The following COL26A1 variants were observed in gnomAD, a reference collection of about 807,000 sequenced individuals.
The protein encoded by COL26A1 is collagen alpha-1(XXVI) chain.
A neutral mutation model predicts 59.3 loss-of-function variants in COL26A1; 41 were observed. The ratio of observed to expected loss-of-function variants is 0.69; its 90% confidence interval spans 0.54 to 0.90. The LOEUF (loss-of-function observed/expected upper bound fraction) is 0.90, where lower values mean the gene tolerates loss of function less well. COL26A1 is among the 40% of genes least tolerant of loss of function. The pLI, the probability that COL26A1 is intolerant of heterozygous loss-of-function variation, is 0.00. For missense variants in COL26A1, 612 were observed against 602.3 expected (o/e 1.02, Z -0.17); for synonymous variants, 266 against 256.0 (o/e 1.04, Z -0.37).
chr7:101,557,264 C>G, intron 12 of COL26A1, 106 bp from the exon 13 acceptor site: 1 of 1,193,534 alleles, frequency 8.4e-7, no homozygotes, highest in African/African-American at 1.5e-5. Context: ...CCTTGCTTCT[C>G]CACGCTGGGC....
chr7:101,396,760 G>A (rs1791864498), intron 1 of COL26A1, among the ~76,000 whole-genome samples: 1 of 152,150 alleles, frequency 6.6e-6, no homozygotes, highest in East Asian at 1.9e-4. Context: ...ACCACTCCTG[G>A]CCATGCTCTT....
chr7:101,542,617 T>C (rs555161380), intron 5 of COL26A1, among the ~76,000 whole-genome samples: 7 of 152,174 alleles, frequency 4.6e-5, no homozygotes, highest in African/African-American at 1.7e-4. Context: ...TGATGCTGGG[T>C]TGGGGAGCAG....
intron 10 of COL26A1, among the ~76,000 whole-genome samples, chr7:101,552,358 C>T (rs1795878787): frequency 6.6e-6 from 1 of 152,150 alleles, no homozygotes; most frequent in Non-Finnish European, 1.5e-5. Flanking sequence ...CCTGTAACCC[C>T]AGTGCTTTGG....
chr7:101,445,942 G>A lies in COL26A1; in HGVS notation c.282-1742G>A, dbSNP rs1584414241. The stretch of plus-strand genomic sequence containing the variant: ...ATGTGCCTGTAATCCCAGCTACTTG[G>A]GAGGCTGAGGCAGGAGAATCGCTTG... On this transcript the variant is annotated intron_variant, in intron 2 of 12. Coordinates refer to ENST00000313669, the MANE Select transcript of COL26A1 (RefSeq NM_001278563.3). Among the ~76,000 whole-genome samples the A allele has an allele frequency of 2.0e-5, 3 of 150,766 alleles. No individual in the cohort carries two copies. In the Middle Eastern group the frequency reaches 0.01, roughly 513 times the overall value.
intron 3 of COL26A1, among the ~76,000 whole-genome samples, chr7:101,497,004 G>A (rs1021925799): frequency 2.4e-4 from 37 of 151,886 alleles, no homozygotes; most frequent in African/African-American, 7.5e-4. Flanking sequence ...TTGGGAGGCC[G>A]AGGCGGGCAG....
intron 5 of COL26A1, among the ~76,000 whole-genome samples, chr7:101,543,070 C>A (rs528597569): frequency 1.3e-5 from 2 of 152,346 alleles, no homozygotes; most frequent in East Asian, 3.9e-4. Context: ...TCTTCCGAGG[C>A]CAGCAGCCCC....
intron 2 of COL26A1, among the ~76,000 whole-genome samples, chr7:101,430,854 G>C (rs1792762168): frequency 6.6e-6 from 1 of 151,940 alleles, no homozygotes; most frequent in Non-Finnish European, 1.5e-5. Context: ...GAGTGCAGTG[G>C]TGCGATCTCA....
chr7:101,511,867 C>G (rs1455816640), intron 3 of COL26A1, among the ~76,000 whole-genome samples: 2 of 152,210 alleles, frequency 1.3e-5, no homozygotes, highest in Non-Finnish European at 2.9e-5. Flanking sequence ...GTGGTGCACA[C>G]CTGTAGTCCC....
intron 3 of COL26A1, among the ~76,000 whole-genome samples, chr7:101,475,654 C>T (rs552956003): frequency 1.1e-4 from 16 of 151,804 alleles, no homozygotes; most frequent in South Asian, 2.1e-4. Context: ...GGTGTGTTTC[C>T]GTGTTGTTGT....
Position 101,557,715 on chromosome 7 carries a change from C to T in COL26A1, c.*185C>T. The stretch of plus-strand genomic sequence containing the variant: ...CAGGGTCTGGAGGGGCCAACACCCT[C>T]ATCAGAGCCCTCCTCTGGCCTGTCC... On this transcript the variant is annotated 3_prime_UTR_variant, in exon 13 of 13. Coordinates refer to ENST00000313669, the MANE Select transcript of COL26A1 (RefSeq NM_001278563.3). 1.7e-6 allele frequency: 1 copy of T among 583,754 alleles called. No homozygotes were observed. Among genetic ancestry groups the T allele is most frequent in the Admixed American group, 3.2e-5 (1 of 31,480 alleles). The allele number at this position is 583,754 out of a possible 1,614,324, so 36.2% of individuals were successfully genotyped here. A position where few individuals can be genotyped will look rare whatever the true frequency, so the allele number is the denominator to read the frequency against.
At chr7:101,499,573 A>G (rs941462865) in intron 3 of COL26A1, among the ~76,000 whole-genome samples, 27 of 152,116 alleles carry the variant, frequency 1.8e-4, no homozygotes, top group Admixed American at 1.1e-3. Context: ...AATACCAGCT[A>G]TTCTGGAGGC....
At chr7:101,474,134 G>A (rs550014328) in intron 3 of COL26A1, among the ~76,000 whole-genome samples, 1 of 152,262 alleles carries the variant, frequency 6.6e-6, no homozygotes, top group Admixed American at 6.5e-5. Flanking sequence ...CAGCAGGCAG[G>A]CAACACTGTG....
intron 2 of COL26A1, among the ~76,000 whole-genome samples, chr7:101,437,062 G>C (rs1348058450): frequency 6.6e-6 from 1 of 152,174 alleles, no homozygotes; most frequent in Non-Finnish European, 1.5e-5. Context: ...CTTTCCACCA[G>C]TCTTCACTGG....
intron 3 of COL26A1, among the ~76,000 whole-genome samples, chr7:101,480,498 T>TTTTG (rs1191005624): frequency 6.6e-6 from 1 of 152,238 alleles, no homozygotes; most frequent in South Asian, 2.1e-4. Flanking sequence ...TTTAATTTAT[T>TTTTG]TTTGTTTGTT....
At chr7:101,495,898 A>C (rs1453780937) in intron 3 of COL26A1, among the ~76,000 whole-genome samples, 2 of 151,278 alleles carry the variant, frequency 1.3e-5, no homozygotes, top group African/African-American at 4.9e-5. Context: ...ATTTGAGACC[A>C]GCTTGGGCAA....
intron 1 of COL26A1, among the ~76,000 whole-genome samples, chr7:101,373,258 C>T (rs1791235371): frequency 6.6e-6 from 1 of 152,140 alleles, no homozygotes; most frequent in Non-Finnish European, 1.5e-5. Flanking sequence ...CACGGATAGG[C>T]AGAGACAGGC....
chr7:101,544,379 C>G (rs1033409006), intron 6 of COL26A1, among the ~76,000 whole-genome samples: 1 of 152,130 alleles, frequency 6.6e-6, no homozygotes, highest in African/African-American at 2.4e-5. Flanking sequence ...AGGCATGCGC[C>G]ACCACACCTG....
chr7:101,522,247 G>A (rs780175113), intron 3 of COL26A1, among the ~76,000 whole-genome samples: 6 of 152,150 alleles, frequency 3.9e-5, no homozygotes, highest in Non-Finnish European at 4.4e-5. Context: ...CACTCCAAGG[G>A]AACTTAGGCA....
chr7:101,546,553 G>A (rs1036788938), intron 7 of COL26A1, among the ~76,000 whole-genome samples: 1 of 152,176 alleles, frequency 6.6e-6, no homozygotes, highest in Non-Finnish European at 1.5e-5. Flanking sequence ...TGGGAGTACA[G>A]GTGTGAGCCA....
Sources: allele counts gnomAD v4.1 joint callset (sites outside exome capture counted in the v4.1 genomes callset), GRCh38; gene constraint gnomAD v4.1.1; transcripts MANE v1.5; gene names NCBI Gene and HGNC (gene_info 2026-07-23, HGNC 2026-07-21).